Variants in ZNF587B observed in about 807,000 individuals in gnomAD.
ZNF587B encodes zinc finger protein 587B.
ZNF587B carries 6 observed loss-of-function variants against 7.2 expected under a neutral mutation model. That is an observed-to-expected ratio of 0.83 (90% confidence interval 0.46 to 1.65). The LOEUF (loss-of-function observed/expected upper bound fraction) is 1.65. Among genes scored for constraint, ZNF587B ranks in the 40% most tolerant of loss-of-function variants. The pLI, the probability that ZNF587B is intolerant of heterozygous loss-of-function variation, is 0.01. For synonymous variants in ZNF587B, 274 were observed against 254.3 expected (o/e 1.08, Z -0.74); for missense variants, 749 against 761.0 (o/e 0.98, Z 0.19).
chr19:57,839,560 T>C (rs1249090239), intron 2 of ZNF587B, among the ~76,000 whole-genome samples: 1 of 152,250 alleles, frequency 6.6e-6, no homozygotes, highest in African/African-American at 2.4e-5. Flanking sequence ...CAAGATCTTC[T>C]TTAGAAATTC....
At chr19:57,840,666 A>G (rs528647136) in intron 2 of ZNF587B, among the ~76,000 whole-genome samples, 172 bp from the exon 3 acceptor site, 22 of 152,228 alleles carry the variant, frequency 1.4e-4, no homozygotes, top group Admixed American at 5.2e-4. Flanking sequence ...ACATTCTGTG[A>G]CCGTTATAGT....
rs764443555 is a variant in ZNF587B, at chr19:57,841,962, C to T, written c.1288C>T (p.Arg430Ter). The change falls in exon 3 of 3, where the codon CGA (arginine) becomes TGA (stop). Residue 430 changes from arginine (R) to a stop codon, truncating the protein, a stop_gained. Transcript: ENST00000594901. LOFTEE classifies it low-confidence loss of function (END_TRUNC). Reference sequence around the variant, plus strand: ...AAAAGGACACCTTAGGAGTCATCAGCGAGTTCACACTACAGAAAGACCTTA... The same window carrying T: ...AAAAGGACACCTTAGGAGTCATCAGTGAGTTCACACTACAGAAAGACCTTA... ...NEKGHLRSHQRVHTTERPYKC... is the reference protein window; with the variant it reads ...NEKGHLRSHQ 33 of 1,611,002 alleles carry T rather than the reference C, an allele frequency of 2.0e-5. No individual in the cohort carries two copies. In the Admixed American group the frequency reaches 4.7e-4, roughly 23 times the overall value.
At position 57,843,587 on chromosome 19, in the gene ZNF587B, G is replaced by GTTTTTTTTTTTTTTTTT. The variant is rs1324065807; in HGVS notation, c.*1013_*1014insTTTTTTTTTTTTTTTTT. 2.0e-4 allele frequency: 155 copies of GTTTTTTTTTTTTTTTTT among 759,802 alleles called. 17 individuals carry two copies. Among genetic ancestry groups the GTTTTTTTTTTTTTTTTT allele is most frequent in the African/African-American group, 8.7e-4 (24 of 27,742 alleles). The allele number at this position is 759,802 out of a possible 1,614,324, so 47.1% of individuals were successfully genotyped here. ...GTTTGGTTGGTTGGTTGGTTGGTTG[G>GTTTTTTTTTTTTTTTTT]TTGTTTTTTTTTGTTTTTTTTTTTT... On this transcript the variant is annotated 3_prime_UTR_variant, in exon 3 of 3. Coordinates refer to ENST00000594901, the MANE Select transcript of ZNF587B (RefSeq NM_001376223.1).
chr19:57,833,332 G>T, intron 1 of ZNF587B, among the ~76,000 whole-genome samples: 1 of 146,632 alleles, frequency 6.8e-6, no homozygotes, highest in Non-Finnish European at 1.5e-5. Flanking sequence ...CCACCAGCAC[G>T]GGCCCACAGG....
Position 57,841,747 on chromosome 19 carries a change from A to G in ZNF587B, c.1073A>G (p.Glu358Gly). 1.2e-6 allele frequency: 2 copies of G among 1,608,614 alleles called. No homozygotes were observed. The highest frequency in any genetic ancestry group is 1.7e-6 in the Non-Finnish European group (2 of 1,177,520). ...HTGERPYKCG[E>G]CEKSFSRKPS... ...GGAGAGAGACCTTACAAGTGTGGAG[A>G]ATGTGAGAAATCTTTTAGTCGGAAG... Residue 358 changes from glutamate to glycine, a missense_variant, in exon 3 of 3, where the codon GAA (glutamate) becomes GGA (glycine). Physicochemically the swap from Glu to Gly is moderately conservative, Grantham distance 98. Around this residue, in one of 3 missense-constraint regions of ZNF587B, gnomAD observed 656 missense variants for 596.5 expected, o/e 1.10. Coordinates refer to ENST00000594901, the MANE Select transcript of ZNF587B (RefSeq NM_001376223.1).
rs1239178330 is a variant in ZNF587B at position 57,845,266 on chromosome 19, C to T, written c.*2690C>T. On this transcript the variant is annotated 3_prime_UTR_variant, in exon 3 of 3. Coordinates refer to ENST00000594901, the MANE Select transcript of ZNF587B (RefSeq NM_001376223.1). ...AAGTGCTGGGACTACAGGTGTGGGC[C>T]GCTGTGTTTGGCTGAAATGTATGTC... is the stretch of plus-strand genomic sequence containing the variant. The T allele has an allele frequency of 6.6e-6, 1 of 152,166 alleles. No homozygotes were observed. Among genetic ancestry groups the T allele is most frequent in the Non-Finnish European group, 1.5e-5 (1 of 68,070 alleles). 9.4% of individuals were successfully genotyped at this position (152,166 alleles called of 1,614,324 possible). A position where few individuals can be genotyped will look rare whatever the true frequency, so the allele number is the denominator to read the frequency against.
intron 2 of ZNF587B, 71 bp downstream of exon 2, chr19:57,839,220 A>C: frequency 6.3e-7 from 1 of 1,591,446 alleles, no homozygotes; most frequent in South Asian, 1.1e-5. Context: ...CATTGGCAAG[A>C]CTTTCTCATG....
At chr19:57,831,002 C>G (rs1988363305) in intron 1 of ZNF587B, among the ~76,000 whole-genome samples, 1 of 152,072 alleles carries the variant, frequency 6.6e-6, no homozygotes, top group Non-Finnish European at 1.5e-5. Flanking sequence ...GTAAACAGTT[C>G]CAGGTGCAGG....
chr19:57,838,530 G>A (rs1475460071), intron 1 of ZNF587B, among the ~76,000 whole-genome samples: 1 of 152,198 alleles, frequency 6.6e-6, no homozygotes, highest in Admixed American at 6.5e-5. Flanking sequence ...GAACCCAGGA[G>A]GCAGAGGTTG....
rs1273988508 is a variant in ZNF587B at position 57,845,013 on chromosome 19, G to A, written c.*2437G>A. ...TTTTTTTGAGACACAGTCTCACTCTGTCACCCAGGCTAGAGTGCTGTTGCA... is the reference window on the plus strand; with the variant it reads ...TTTTTTTGAGACACAGTCTCACTCTATCACCCAGGCTAGAGTGCTGTTGCA... On this transcript the variant is annotated 3_prime_UTR_variant, in exon 3 of 3. Coordinates refer to ENST00000594901, the MANE Select transcript of ZNF587B (RefSeq NM_001376223.1). 1 of 150,458 alleles carries A rather than the reference G, an allele frequency of 6.6e-6. No individual in the cohort carries two copies. Among genetic ancestry groups the A allele is most frequent in the Non-Finnish European group, 1.5e-5 (1 of 67,834 alleles). The allele number at this position is 150,458 out of a possible 1,614,324, so 9.3% of individuals were successfully genotyped here.
chr19:57,839,693 A>G lies in ZNF587B; in HGVS notation c.163+544A>G, dbSNP rs565719765. 4.0e-5 allele frequency among the ~76,000 whole-genome samples: 6 copies of G among 151,752 alleles called. No individual in the cohort carries two copies. In the South Asian group the frequency reaches 1.2e-3, roughly 31 times the overall value. On this transcript the variant is annotated intron_variant, in intron 2 of 2. Coordinates refer to ENST00000594901, the MANE Select transcript of ZNF587B (RefSeq NM_001376223.1). ...TTCATGTCCCATGTATTTGGTCATC[A>G]TTGTGGTGGGAGGCACAGTCCTCCA...
Position 57,842,302 on chromosome 19 carries a change from T to A in ZNF587B, c.1628T>A (p.Val543Asp), listed in dbSNP as rs780096043. The A allele has an allele frequency of 6.8e-6, 11 of 1,611,502 alleles. No homozygotes were observed. The highest frequency in any genetic ancestry group is 2.2e-5 in the South Asian group (2 of 90,704). Residue 543 changes from valine (V) to aspartate (D), a missense_variant, in exon 3 of 3, where the codon GTT becomes GAT. Coordinates refer to ENST00000594901, the MANE Select transcript of ZNF587B (RefSeq NM_001376223.1). ...HSCAFIVHKR[V>D]HTGQKPYECS... ...TGTGCATTCATTGTTCATAAGAGAG[T>A]TCACACTGGTCAGAAGCCTTATGAG...
rs536846005 is a variant in ZNF587B at position 57,844,606 on chromosome 19, A to C, written c.*2030A>C. ...CCCAAGGCCTCCAGTGGACGACTTC[A>C]TGGCTTTGTGGTCTTCATCTGTAGC... On this transcript the variant is annotated 3_prime_UTR_variant, in exon 3 of 3. Coordinates refer to ENST00000594901, the MANE Select transcript of ZNF587B (RefSeq NM_001376223.1). 71 of 155,686 alleles carry C rather than the reference A, an allele frequency of 4.6e-4. No homozygotes were observed. Among genetic ancestry groups the C allele is most frequent in the Non-Finnish European group, 6.2e-4 (43 of 69,874 alleles). The allele number at this position is 155,686 out of a possible 1,614,324, so 9.6% of individuals were successfully genotyped here. A position where few individuals can be genotyped will look rare whatever the true frequency, so the allele number is the denominator to read the frequency against.
Position 57,830,548 on chromosome 19 carries a change from T to A in ZNF587B, c.20T>A (p.Leu7Gln). The change falls in exon 1 of 3, where the codon CTG becomes CAG. Residue 7 changes from leucine to glutamine, a missense_variant. Physicochemically the swap from Leu to Gln is moderately radical, Grantham distance 113. Transcript: ENST00000594901. ...GGTTCGATGGCGGTGGTGGCCACGCTGAGGCTCTCTGCTCAGGTAATTGTG... is the reference window on the plus strand; with the variant it reads ...GGTTCGATGGCGGTGGTGGCCACGCAGAGGCTCTCTGCTCAGGTAATTGTG... MAVVAT[L>Q]RLSAQGTVTF... 2 of 1,549,896 alleles carry A rather than the reference T, an allele frequency of 1.3e-6. No homozygotes were observed. The highest frequency in any genetic ancestry group is 1.7e-6 in the Non-Finnish European group (2 of 1,147,282).
At chr19:57,838,566 A>C (rs539997928) in intron 1 of ZNF587B, among the ~76,000 whole-genome samples, 1 of 152,154 alleles carries the variant, frequency 6.6e-6, no homozygotes, top group Non-Finnish European at 1.5e-5. Context: ...GTGCCACTGC[A>C]CTCCAGCCTG....
Position 57,839,061 on chromosome 19 carries a change from C to T in ZNF587B, c.75C>T (p.Thr25=). 1 of 1,614,102 alleles carries T rather than the reference C, an allele frequency of 6.2e-7. No homozygotes were observed. Among genetic ancestry groups the T allele is most frequent in the Non-Finnish European group, 8.5e-7 (1 of 1,180,014 alleles). ...VTFEDVAVKF[T]QEEWNLLSEA... Reference sequence around the variant, plus strand: ...TTGAAGACGTGGCTGTGAAATTTACCCAGGAGGAATGGAATCTCCTTAGTG... The same window carrying T: ...TTGAAGACGTGGCTGTGAAATTTACTCAGGAGGAATGGAATCTCCTTAGTG... The change falls in exon 2 of 3, where the codon ACC becomes ACT. Residue 25 remains threonine, a synonymous_variant. Coordinates refer to ENST00000594901, the MANE Select transcript of ZNF587B (RefSeq NM_001376223.1).
chr19:57,832,049 T>C (rs1267410209), intron 1 of ZNF587B, among the ~76,000 whole-genome samples: 1 of 151,996 alleles, frequency 6.6e-6, no homozygotes, highest in East Asian at 1.9e-4. Context: ...CATCTTACCC[T>C]TTATAGCAGA....
chr19:57,841,353 CAT>C lies in ZNF587B; in HGVS notation c.683_684del (p.Ile228ThrfsTer18), dbSNP rs777955088. ...GDSMKHFSTK[H>X]ILSQHQRLLP... ...TTCCATGAAACATTTTAGCACCAAA[CAT>C]ATACTCAGTCAGCACCAGAGACTTC... On this transcript the variant is annotated frameshift_variant, in exon 3 of 3. Transcript: ENST00000594901. LOFTEE classifies it low-confidence loss of function (END_TRUNC). 1.2e-5 allele frequency: 20 copies of C among 1,600,880 alleles called. No individual in the cohort carries two copies. In the Admixed American group the frequency reaches 3.5e-4, roughly 28 times the overall value.
Position 57,830,580 on chromosome 19 carries a change from TCC to T in ZNF587B, c.36+17_36+18del, listed in dbSNP as rs1461548218. 7 of 1,550,006 alleles carry T rather than the reference TCC, an allele frequency of 4.5e-6. No homozygotes were observed. ...CTCTGCTCAGGTAATTGTGGTGCCT[TCC>T]ATGCCCTCAGGTCACCTCATCATCA... On this transcript the variant is annotated intron_variant, in intron 1 of 2. Transcript: ENST00000594901.
Sources: gnomAD v4.1 joint callset for allele counts (sites outside exome capture counted in the v4.1 genomes callset) on GRCh38, gnomAD v4.1.1 for gene constraint, gnomAD v4.1.1 regional missense constraint, MANE v1.5 for transcripts, NCBI Gene and HGNC (gene_info 2026-07-23, HGNC 2026-07-21) for gene names.